HPCAL4: variants seen among roughly 807,000 people sequenced by gnomAD.
HPCAL4 encodes the protein hippocalcin like 4, also known as hippocalcin-like protein 4.
HPCAL4 carries 16 observed loss-of-function variants against 18.2 expected under a neutral mutation model. The ratio of observed to expected loss-of-function variants is 0.88; its 90% CI spans 0.59 to 1.33. The LOEUF is 1.33. Ranked by LOEUF, HPCAL4 falls within the 40% of genes most tolerant of loss-of-function variation. The pLI is 0.00. For missense variants in HPCAL4, 214 were observed against 256.6 expected (o/e 0.83, Z 1.14); for synonymous variants, 80 against 97.5 (o/e 0.82, Z 1.06).
rs1646625990 is a variant in HPCAL4 at position 39,681,474 on chromosome 1, A to G, written c.*1062T>C. 1 of 152,348 alleles carries G rather than the reference A, an allele frequency of 6.6e-6. No individual in the cohort carries two copies. Among genetic ancestry groups the G allele is most frequent in the Admixed American group, 6.5e-5 (1 of 15,304 alleles). The allele number at this position is 152,348 out of a possible 1,614,324, so 9.4% of individuals were successfully genotyped here. A position where few individuals can be genotyped will look rare whatever the true frequency, so the allele number is the denominator to read the frequency against. On this transcript the variant is annotated 3_prime_UTR_variant, in exon 4 of 4. Coordinates refer to ENST00000372844, the MANE Select transcript of HPCAL4 (RefSeq NM_016257.4). Reference sequence around the variant, plus strand: ...CAGCACCCAACCGGAGTAAGTATGTAGCAGAAAGTTGCTTGTTGAATTGAA... The same window carrying G: ...CAGCACCCAACCGGAGTAAGTATGTGGCAGAAAGTTGCTTGTTGAATTGAA...
At chr1:39,685,655 G>A (rs1646666947) in intron 1 of HPCAL4, among the ~76,000 whole-genome samples, 1 of 152,102 alleles carries the variant, frequency 6.6e-6, no homozygotes, top group Non-Finnish European at 1.5e-5. Context: ...CAAGGTGGGT[G>A]GATCACGAAG....
intron 1 of HPCAL4, among the ~76,000 whole-genome samples, chr1:39,686,319 A>G (rs1646674944): frequency 1.3e-5 from 2 of 152,108 alleles, no homozygotes; most frequent in African/African-American, 2.4e-5. Context: ...CCACTGTACT[A>G]CAGCCTGGGC....
At chr1:39,689,103 C>A (rs1276882490) in intron 1 of HPCAL4, among the ~76,000 whole-genome samples, 1 of 152,184 alleles carries the variant, frequency 6.6e-6, no homozygotes, top group Admixed American at 6.5e-5. Flanking sequence ...CTCCAATATG[C>A]CCCAGTCCAC....
chr1:39,684,556 A>T lies in HPCAL4; in HGVS notation c.48T>A (p.Leu16=). 1.9e-6 allele frequency: 3 copies of T among 1,612,196 alleles called. No individual in the cohort carries two copies. Among genetic ancestry groups the T allele is most frequent in the Non-Finnish European group, 2.5e-6 (3 of 1,179,070 alleles). ...GCTCGCTGAACTCAGTGTTCTGAAC[A>T]AGGTCCTCCAGCACCTCGGGGGCCA... ...SKLAPEVLED[L]VQNTEFSEQE... is the part of the protein sequence containing the mutation. The change falls in exon 2 of 4, where the codon CTT becomes CTA. Residue 16 remains leucine (L), a synonymous_variant. Transcript: ENST00000372844.
Position 39,682,339 on chromosome 1 carries a change from G to C in HPCAL4, c.*197C>G. The C allele has an allele frequency of 1.7e-6, 1 of 594,804 alleles. No homozygotes were observed. The highest frequency in any genetic ancestry group is 3.0e-6 in the Non-Finnish European group (1 of 333,756). The allele number at this position is 594,804 out of a possible 1,614,324, so 36.8% of individuals were successfully genotyped here. ...GGTGGGGCTAGAAGACAGGGTACTG[G>C]AGGACCTGTCTCTTTTGCAGGGTGA... On this transcript the variant is annotated 3_prime_UTR_variant, in exon 4 of 4. Transcript: ENST00000372844.
At chr1:39,686,757 G>A (rs74067681) in intron 1 of HPCAL4, among the ~76,000 whole-genome samples, 19,005 of 152,144 alleles carry the variant, frequency 0.12, 1,402 homozygotes, top group East Asian at 0.21. Flanking sequence ...AAGGCAGAGT[G>A]GACCCTCCTC....
chr1:39,683,276 T>G (rs1646643209), intron 3 of HPCAL4, among the ~76,000 whole-genome samples: 1 of 152,220 alleles, frequency 6.6e-6, no homozygotes, highest in Non-Finnish European at 1.5e-5. Context: ...ATGGGGCTCC[T>G]GGCTCCCCGT....
rs761194033 is a variant in HPCAL4, at chr1:39,682,730, T to C, written c.382A>G (p.Ile128Val). ...ATCACGGTGCCCACCATCTTGTAGA[T>C]TGCCTGGTGAGGGAAGGAGGAGGGA... is the stretch of plus-strand genomic sequence containing the variant. ...RLEMLEIIEA[I>V]YKMVGTVIMM... The change falls in exon 4 of 4, where the codon ATC becomes GTC. Residue 128 changes from isoleucine to valine, a missense_variant. Transcript: ENST00000372844. 17 of 1,613,876 alleles carry C rather than the reference T, an allele frequency of 1.1e-5. No homozygotes were observed. The South Asian group carries it at 1.5e-4, about 15-fold the overall frequency.
At chr1:39,687,386 G>T (rs1389880633) in intron 1 of HPCAL4, among the ~76,000 whole-genome samples, 1 of 152,238 alleles carries the variant, frequency 6.6e-6, no homozygotes, top group Non-Finnish European at 1.5e-5. Flanking sequence ...ATGTCTGATG[G>T]GGGGAGGCAC....
At chr1:39,683,467 A>G (rs1022209074) in intron 3 of HPCAL4, among the ~76,000 whole-genome samples, 7 of 152,144 alleles carry the variant, frequency 4.6e-5, no homozygotes, top group Non-Finnish European at 1.0e-4. Context: ...CTAACTTTCC[A>G]TCTTATATAA....
At chr1:39,687,660 T>C (rs1264206304) in intron 1 of HPCAL4, among the ~76,000 whole-genome samples, 1 of 152,182 alleles carries the variant, frequency 6.6e-6, no homozygotes, top group African/African-American at 2.4e-5. Context: ...CTATGCCTCC[T>C]CCTTTATTTC....
intron 1 of HPCAL4, among the ~76,000 whole-genome samples, chr1:39,689,001 C>G (rs1406084789): frequency 6.6e-6 from 1 of 152,134 alleles, no homozygotes; most frequent in Non-Finnish European, 1.5e-5. Flanking sequence ...AGGATGCAGT[C>G]TGATTTGAGA....
rs1032477286 is a variant in HPCAL4, at chr1:39,682,289, G to T, written c.*247C>A. 1.1e-5 allele frequency: 6 copies of T among 528,754 alleles called. No individual in the cohort carries two copies. The highest frequency in any genetic ancestry group is 1.9e-5 in the African/African-American group (1 of 52,422). The allele number at this position is 528,754 out of a possible 1,614,324, so 32.8% of individuals were successfully genotyped here. On this transcript the variant is annotated 3_prime_UTR_variant, in exon 4 of 4. Coordinates refer to ENST00000372844, the MANE Select transcript of HPCAL4 (RefSeq NM_016257.4). ...AAAAGCCAACTCCCCTATGCCCAATGGACATTGGTTCTGGCCAAGTGGGAG... is the reference window on the plus strand; with the variant it reads ...AAAAGCCAACTCCCCTATGCCCAATTGACATTGGTTCTGGCCAAGTGGGAG...
rs1270621124 is a variant in HPCAL4 at position 39,679,960 on chromosome 1, A to G, written c.*2576T>C. The G allele has an allele frequency of 1.0e-4, 16 of 152,656 alleles. No homozygotes were observed. Among genetic ancestry groups the G allele is most frequent in the Admixed American group, 1.0e-3 (16 of 15,282 alleles). The allele number at this position is 152,656 out of a possible 1,614,324, so 9.5% of individuals were successfully genotyped here. On this transcript the variant is annotated 3_prime_UTR_variant, in exon 4 of 4. Coordinates refer to ENST00000372844, the MANE Select transcript of HPCAL4 (RefSeq NM_016257.4). Reference sequence around the variant, plus strand: ...TCTTAGTGAAGATGATGGTGGGTAAAGACAATGCAGGATGCTTCGAGGGTT... The same window carrying G: ...TCTTAGTGAAGATGATGGTGGGTAAGGACAATGCAGGATGCTTCGAGGGTT...
chr1:39,690,207 T>G (rs1646707702), intron 1 of HPCAL4, among the ~76,000 whole-genome samples: 1 of 152,106 alleles, frequency 6.6e-6, no homozygotes, highest in Non-Finnish European at 1.5e-5. Flanking sequence ...TAATCAGCCA[T>G]AGAACCAGAG....
At chr1:39,690,996 T>C (rs1325568417) in intron 1 of HPCAL4, 1 of 152,296 alleles carries the variant, frequency 6.6e-6, no homozygotes, top group Non-Finnish European at 1.5e-5. Context: ...GATGTGTGTG[T>C]GTGCATCTGT....
chr1:39,682,145 C>A lies in HPCAL4; in HGVS notation c.*391G>T, dbSNP rs41312032. 15,418 of 232,884 alleles carry A rather than the reference C, an allele frequency of 0.066. 671 individuals carry two copies. The highest frequency in any genetic ancestry group is 0.1 in the East Asian group (949 of 9,044). The allele number at this position is 232,884 out of a possible 1,614,324, so 14.4% of individuals were successfully genotyped here. On this transcript the variant is annotated 3_prime_UTR_variant, in exon 4 of 4. Coordinates refer to ENST00000372844, the MANE Select transcript of HPCAL4 (RefSeq NM_016257.4). ...ATCTGGAGCCTCAGGAATGGACAGA[C>A]CCAATTTGGCCCTGTGACAGGCCTG...
chr1:39,684,120 C>CGCGAACTT lies in HPCAL4; in HGVS notation c.187_194dup (p.Gln66SerfsTer73). On this transcript the variant is annotated frameshift_variant, in exon 3 of 4. Transcript: ENST00000372844. LOFTEE classifies it high-confidence loss of function. ...TGTCGAAGGTGCGGAAAGCGTGCTG[C>CGCGAACTT]GCGAACTTGGAGGCGTCGCCGTAGG... 6.2e-7 allele frequency: 1 copy of CGCGAACTT among 1,613,246 alleles called. No homozygotes were observed. The highest frequency in any genetic ancestry group is 1.7e-4 in the Middle Eastern group (1 of 6,056).
In HPCAL4 at chr1:39,682,718, C is replaced by T. The variant is rs1255535927; in HGVS notation, c.394G>A (p.Val132Met). 6.2e-7 allele frequency: 1 copy of T among 1,613,990 alleles called. No individual in the cohort carries two copies. The highest frequency in any genetic ancestry group is 8.5e-7 in the Non-Finnish European group (1 of 1,180,032). The stretch of plus-strand genomic sequence containing the variant: ...ATGCGCATCATGATCACGGTGCCCA[C>T]CATCTTGTAGATTGCCTGGTGAGGG... The part of the protein sequence containing the change: ...LEIIEAIYKM[V>M]GTVIMMRMNQ... Residue 132 changes from valine to methionine, a missense_variant, in exon 4 of 4, where the codon GTG becomes ATG. By Grantham distance (21) the Val-to-Met change is conservative. Transcript: ENST00000372844.
Sources: gnomAD v4.1 joint callset for allele counts (sites outside exome capture counted in the v4.1 genomes callset) on GRCh38, gnomAD v4.1.1 for gene constraint, MANE v1.5 for transcripts, NCBI Gene and HGNC (gene_info 2026-07-23, HGNC 2026-07-21) for gene names.